DLGAP4: variants seen among roughly 807,000 people sequenced by gnomAD.
The protein encoded by DLGAP4 is DLG associated protein 4, also known as disks large-associated protein 4.
Under a neutral mutation model 86.9 loss-of-function variants are expected in DLGAP4, and 18 were observed. That is an observed-to-expected ratio of 0.21 (90% CI 0.14 to 0.31). DLGAP4 has a LOEUF of 0.31. Among genes scored for constraint, DLGAP4 ranks in the 10% least tolerant of loss-of-function variants. The probability of loss-of-function intolerance (pLI) is 1.00; values close to 1 mark genes in which losing one functional copy is unlikely to be tolerated. For missense variants in DLGAP4, 1,085 were observed against 1,362.6 expected, an observed-to-expected ratio of 0.80 and a Z score of 3.21; for synonymous variants, 548 against 574.3, an observed-to-expected ratio of 0.95 and a Z score of 0.65.
chr20:36,384,596 G>T (rs2031529230), intron 2 of DLGAP4, among the ~76,000 whole-genome samples: 2 of 152,194 alleles, frequency 1.3e-5, no homozygotes, highest in Non-Finnish European at 2.9e-5. Flanking sequence ...TAGGAAGGTT[G>T]TTGGTAGTGT....
intron 2 of DLGAP4, among the ~76,000 whole-genome samples, chr20:36,373,322 TTC>T (rs2031016426): frequency 6.6e-6 from 1 of 152,226 alleles, no homozygotes; most frequent in African/African-American, 2.4e-5. Context: ...TCTGGGTTGT[TTC>T]CATGTTCTCA....
intron 10 of DLGAP4, among the ~76,000 whole-genome samples, chr20:36,505,887 G>T (rs149657418): frequency 0.016 from 2,435 of 152,290 alleles, 111 homozygotes; most frequent in Admixed American, 0.1. Context: ...CACTGAGGAA[G>T]AGGAATGGGG....
At chr20:36,479,884 C>T (rs1169884519) in intron 7 of DLGAP4, among the ~76,000 whole-genome samples, 2 of 152,120 alleles carry the variant, frequency 1.3e-5, no homozygotes, top group African/African-American at 4.8e-5. Context: ...CAGAAATCCT[C>T]AGCTTCTGGC....
intron 10 of DLGAP4, among the ~76,000 whole-genome samples, chr20:36,512,986 CTT>C (rs2036807184): frequency 9.6e-6 from 1 of 104,052 alleles, no homozygotes; most frequent in South Asian, 3.6e-4. Flanking sequence ...GGGTCTCACT[CTT>C]TCACCCAGGC....
intron 2 of DLGAP4, among the ~76,000 whole-genome samples, chr20:36,370,361 T>C (rs1004654465): frequency 6.6e-6 from 1 of 150,948 alleles, no homozygotes. Flanking sequence ...TTTAAATAGC[T>C]GAGTGTGGTG....
intron 10 of DLGAP4, among the ~76,000 whole-genome samples, chr20:36,502,720 C>G (rs2147784232): frequency 6.6e-6 from 1 of 152,116 alleles, no homozygotes; most frequent in Non-Finnish European, 1.5e-5. Flanking sequence ...AAGGCACCAT[C>G]ATTTTTTTTA....
intron 2 of DLGAP4, among the ~76,000 whole-genome samples, chr20:36,397,586 C>T (rs1223386164): frequency 2.6e-5 from 4 of 151,360 alleles, no homozygotes. Flanking sequence ...TTAATATAAA[C>T]ACTGAAGACT....
At chr20:36,404,751 A>T (rs2147489772) in intron 2 of DLGAP4, among the ~76,000 whole-genome samples, 1 of 75,076 alleles carries the variant, frequency 1.3e-5, no homozygotes, top group East Asian at 4.5e-4. Flanking sequence ...TGTTGGTTGG[A>T]TGAATGAATG....
At chr20:36,328,215 T>A (rs1395995953) in intron 1 of DLGAP4, among the ~76,000 whole-genome samples, 2 of 151,572 alleles carry the variant, frequency 1.3e-5, no homozygotes, top group Non-Finnish European at 2.9e-5. Flanking sequence ...ATAAAAAAAA[T>A]AAAAAATAAA....
chr20:36,462,679 G>A (rs2034151880), intron 7 of DLGAP4: 9 of 1,522,416 alleles, frequency 5.9e-6, no homozygotes, highest in Non-Finnish European at 7.0e-6. Flanking sequence ...GTTGGCGCTG[G>A]GGCAAGGGCT....
chr20:36,462,008 C>T, intron 7 of DLGAP4: 3 of 985,308 alleles, frequency 3.0e-6, no homozygotes, highest in African/African-American at 1.7e-5. Context: ...TTTGGGGTTC[C>T]CCTTGAGAAC....
chr20:36,323,210 G>A (rs980359772), intron 1 of DLGAP4, among the ~76,000 whole-genome samples: 7 of 145,220 alleles, frequency 4.8e-5, no homozygotes, highest in Non-Finnish European at 9.0e-5. Context: ...AAAAGATATA[G>A]GATATCTCCA....
chr20:36,414,323 G>T (rs1241015353), intron 2 of DLGAP4, among the ~76,000 whole-genome samples: 2 of 152,150 alleles, frequency 1.3e-5, no homozygotes, highest in Non-Finnish European at 2.9e-5. Flanking sequence ...CCCTATAGTT[G>T]TCCCAGTGGT....
chr20:36,382,385 G>A (rs1283536051), intron 2 of DLGAP4, among the ~76,000 whole-genome samples: 1 of 151,534 alleles, frequency 6.6e-6, no homozygotes, highest in Non-Finnish European at 1.5e-5. Context: ...GCCTTTTTTA[G>A]GGGGTGGGGG....
intron 1 of DLGAP4, among the ~76,000 whole-genome samples, chr20:36,329,091 G>T (rs1555891266): frequency 2.0e-5 from 3 of 152,114 alleles, no homozygotes; most frequent in Non-Finnish European, 4.4e-5. Flanking sequence ...TGTATTTTTA[G>T]CAGAGACGGG....
At chr20:36,468,828 A>C (rs561988346) in intron 7 of DLGAP4, among the ~76,000 whole-genome samples, 35 of 152,372 alleles carry the variant, frequency 2.3e-4, no homozygotes, top group African/African-American at 8.4e-4. Flanking sequence ...ACTTTGGAAC[A>C]GTGGACTAGA....
At chr20:36,423,496 A>C (rs2032888981) in intron 2 of DLGAP4, among the ~76,000 whole-genome samples, 1 of 146,704 alleles carries the variant, frequency 6.8e-6, no homozygotes, top group African/African-American at 2.5e-5. Context: ...ACAGTATTTG[A>C]ATACAGGTCC....
In DLGAP4 at chr20:36,496,796, C is replaced by T; in HGVS notation, c.1740C>T (p.Ser580=). 1 of 1,614,258 alleles carries T rather than the reference C, an allele frequency of 6.2e-7. No homozygotes were observed. Among genetic ancestry groups the T allele is most frequent in the East Asian group, 2.2e-5 (1 of 44,890 alleles). Residue 580 remains serine, a synonymous_variant, in exon 8 of 13, where the codon AGC becomes AGT. Transcript: ENST00000339266. ...CGTTCATCTCAGTCACAGTCCAGAG[C>T]AGTACTGAGTCTGCCCAGGACACCT... is the stretch of plus-strand genomic sequence containing the variant. ...SKPFISVTVQ[S]STESAQDTYL...
chr20:36,365,025 G>A (rs1490410542), intron 1 of DLGAP4, among the ~76,000 whole-genome samples: 2 of 152,208 alleles, frequency 1.3e-5, no homozygotes, highest in African/African-American at 4.8e-5. Context: ...AGCCCAGAAG[G>A]TCAAGGCTAC....
Sources: allele counts gnomAD v4.1 joint callset (sites outside exome capture counted in the v4.1 genomes callset), GRCh38; gene constraint gnomAD v4.1.1; transcripts MANE v1.5; gene names NCBI Gene and HGNC (gene_info 2026-07-23, HGNC 2026-07-21).